The following BMP6 variants were observed in gnomAD, a reference collection of about 807,000 sequenced individuals.
BMP6 encodes VG-1-R.
Under a neutral mutation model 54.1 loss-of-function variants are expected in BMP6, and 17 were observed. That is an observed-to-expected ratio of 0.31 (90% CI 0.22 to 0.47). BMP6 has a LOEUF of 0.47. Among genes scored for constraint, BMP6 ranks in the 20% least tolerant of loss-of-function variants. The pLI, the probability that BMP6 is intolerant of heterozygous loss-of-function variation, is 1.00. For synonymous variants in BMP6, 328 were observed against 291.2 expected, an observed-to-expected ratio of 1.13 and a Z score of -1.28; for missense variants, 720 against 690.4, an observed-to-expected ratio of 1.04 and a Z score of -0.48.
chr6:7,736,921 C>T (rs1761964378), intron 1 of BMP6, among the ~76,000 whole-genome samples: 1 of 152,184 alleles, frequency 6.6e-6, no homozygotes, highest in South Asian at 2.1e-4. Context: ...GGCGCAGTGG[C>T]TCACACCTGT....
chr6:7,751,191 C>T (rs1352125878), intron 1 of BMP6, among the ~76,000 whole-genome samples: 1 of 152,220 alleles, frequency 6.6e-6, no homozygotes, highest in Non-Finnish European at 1.5e-5. Context: ...CTACTACCTG[C>T]AAACCCAGCC....
intron 1 of BMP6, among the ~76,000 whole-genome samples, chr6:7,765,119 A>G (rs1260645765): frequency 6.6e-6 from 1 of 152,182 alleles, no homozygotes; most frequent in Admixed American, 6.5e-5. Flanking sequence ...CTGCCCAGGC[A>G]TGGACCATTC....
chr6:7,761,614 C>T (rs1757614868), intron 1 of BMP6, among the ~76,000 whole-genome samples: 1 of 152,186 alleles, frequency 6.6e-6, no homozygotes, highest in African/African-American at 2.4e-5. Context: ...CACAGCACTG[C>T]CTGTCTGTGT....
At chr6:7,824,293 C>T (rs1397688569) in intron 1 of BMP6, among the ~76,000 whole-genome samples, 5 of 152,144 alleles carry the variant, frequency 3.3e-5, no homozygotes, top group African/African-American at 4.8e-5. Flanking sequence ...GATCTCCCGG[C>T]GATCTTTCCA....
chr6:7,727,490 G>C lies in BMP6; in HGVS notation c.535G>C (p.Ala179Pro). The C allele has an allele frequency of 6.3e-7, 1 of 1,594,326 alleles. No homozygotes were observed. Among genetic ancestry groups the C allele is most frequent in the Non-Finnish European group, 8.5e-7 (1 of 1,175,766 alleles). Residue 179 changes from alanine (A) to proline (P), a missense_variant, in exon 1 of 7, where the codon GCG becomes CCG. Around this residue, in one of 3 missense-constraint regions of BMP6, gnomAD observed 650 missense variants for 556.3 expected, o/e 1.17. Coordinates refer to ENST00000283147, the MANE Select transcript of BMP6 (RefSeq NM_001718.6). ...GCGTCGGCAGCCGCCCCCGGGCGCCGCGCACCCGCTCAACCGCAAGAGCCT... is the reference window on the plus strand; with the variant it reads ...GCGTCGGCAGCCGCCCCCGGGCGCCCCGCACCCGCTCAACCGCAAGAGCCT... ...SQRRQPPPGA[A>P]HPLNRKSLLA... is the part of the protein sequence containing the mutation.
chr6:7,764,412 T>C (rs560222980), intron 1 of BMP6, among the ~76,000 whole-genome samples: 2 of 152,346 alleles, frequency 1.3e-5, no homozygotes, highest in East Asian at 3.9e-4. Context: ...ATATCAGTTA[T>C]TGCTAATTTA....
chr6:7,872,819 T>TC (rs1299602394), intron 4 of BMP6, among the ~76,000 whole-genome samples: 1 of 150,768 alleles, frequency 6.6e-6, no homozygotes, highest in African/African-American at 2.4e-5. Flanking sequence ...TTTTTCTTTT[T>TC]TTTTTTTTTT....
intron 1 of BMP6, among the ~76,000 whole-genome samples, chr6:7,806,239 G>A (rs1190184019): frequency 2.0e-5 from 3 of 152,206 alleles, no homozygotes; most frequent in Non-Finnish European, 4.4e-5. Flanking sequence ...TCAAGTGCAG[G>A]TGACACATAC....
intron 3 of BMP6, 122 bp from the exon 4 acceptor site, chr6:7,862,179 C>T (rs774063197): frequency 1.1e-5 from 13 of 1,199,182 alleles, no homozygotes; most frequent in Non-Finnish European, 1.6e-5. Context: ...ACATGATCTT[C>T]TTCTTCACAC....
chr6:7,727,454 A>G lies in BMP6; in HGVS notation c.499A>G (p.Ser167Gly). The part of the protein sequence containing the change: ...RQQSWPHEAA[S>G]SSQRRQPPPG... The stretch of plus-strand genomic sequence containing the variant: ...GCAGTCCTGGCCCCACGAAGCAGCC[A>G]GCTCGTCCCAGCGTCGGCAGCCGCC... Residue 167 changes from serine to glycine, a missense_variant, in exon 1 of 7, where the codon AGC (serine) becomes GGC (glycine). Ser to Gly is a moderately conservative substitution (Grantham distance 56, BLOSUM62 0). Coordinates refer to ENST00000283147, the MANE Select transcript of BMP6 (RefSeq NM_001718.6). 2 of 1,599,380 alleles carry G rather than the reference A, an allele frequency of 1.3e-6. No homozygotes were observed. Among genetic ancestry groups the G allele is most frequent in the Non-Finnish European group, 1.7e-6 (2 of 1,175,930 alleles).
At chr6:7,772,131 A>C (rs1476985759) in intron 1 of BMP6, among the ~76,000 whole-genome samples, 1 of 151,996 alleles carries the variant, frequency 6.6e-6, no homozygotes, top group Non-Finnish European at 1.5e-5. Flanking sequence ...TCTTAGGGTC[A>C]TCCTTGGGAA....
chr6:7,861,661 A>G (rs1381515668), intron 3 of BMP6, 62 bp downstream of exon 3: 13 of 1,593,744 alleles, frequency 8.2e-6, no homozygotes, highest in African/African-American at 6.7e-5. Context: ...CATTTCCCTT[A>G]CAGCAGTTGT....
intron 1 of BMP6, among the ~76,000 whole-genome samples, chr6:7,787,452 AG>A: frequency 6.6e-6 from 1 of 152,242 alleles, no homozygotes; most frequent in Non-Finnish European, 1.5e-5. Flanking sequence ...TCCTTGGCTC[AG>A]ACACTGGATT....
chr6:7,764,192 T>C (rs2113145685), intron 1 of BMP6, among the ~76,000 whole-genome samples: 1 of 152,268 alleles, frequency 6.6e-6, no homozygotes, highest in Non-Finnish European at 1.5e-5. Flanking sequence ...GCATGGAGAA[T>C]GATGAGTGTG....
chr6:7,756,868 C>A (rs143272548), intron 1 of BMP6, among the ~76,000 whole-genome samples: 17 of 152,282 alleles, frequency 1.1e-4, no homozygotes, highest in African/African-American at 3.8e-4. Context: ...CGCAAACTTT[C>A]CCCAGCCTTG....
chr6:7,804,436 G>GT (rs1382931693), intron 1 of BMP6, among the ~76,000 whole-genome samples: 1 of 151,900 alleles, frequency 6.6e-6, no homozygotes, highest in Non-Finnish European at 1.5e-5. Context: ...AGAGGTGCTG[G>GT]TTTATACATA....
intron 1 of BMP6, among the ~76,000 whole-genome samples, chr6:7,747,048 A>G (rs939663330): frequency 6.6e-6 from 1 of 152,200 alleles, no homozygotes; most frequent in African/African-American, 2.4e-5. Flanking sequence ...AACGAATCCC[A>G]TAAGGCCTGG....
At chr6:7,837,216 TTTTGTG>T (rs1215419416) in intron 1 of BMP6, among the ~76,000 whole-genome samples, 1 of 152,230 alleles carries the variant, frequency 6.6e-6, no homozygotes, top group Non-Finnish European at 1.5e-5. Flanking sequence ...TTATTTTATC[TTTTGTG>T]TTTGTAGTTT....
intron 4 of BMP6, among the ~76,000 whole-genome samples, chr6:7,876,908 T>C (rs1375653232): frequency 5.3e-5 from 8 of 152,290 alleles, no homozygotes; most frequent in Middle Eastern, 3.4e-3. Flanking sequence ...TTTTTGTTTT[T>C]AGTTTTGTTA....
Sources: allele counts gnomAD v4.1 joint callset (sites outside exome capture counted in the v4.1 genomes callset), GRCh38; gene constraint gnomAD v4.1.1; regional missense constraint gnomAD v4.1.1; transcripts MANE v1.5; gene names NCBI Gene and HGNC (gene_info 2026-07-23, HGNC 2026-07-21).